Variants in CADM1 observed in about 807,000 individuals in gnomAD.
CADM1 encodes the protein TSLC-1.
A neutral mutation model predicts 53.1 loss-of-function variants in CADM1; 15 were observed. That is an observed-to-expected ratio of 0.28 (90% confidence interval 0.19 to 0.44). The LOEUF is 0.44. CADM1 is among the 20% of genes least tolerant of loss of function. CADM1 has a pLI of 1.00. For synonymous variants in CADM1, 281 were observed against 243.0 expected, an observed-to-expected ratio of 1.16 and a Z score of -1.45; for missense variants, 434 against 611.3, an observed-to-expected ratio of 0.71 and a Z score of 3.06.
At chr11:115,177,897 A>G (rs1488595273) in intron 11 of CADM1, among the ~76,000 whole-genome samples, 1 of 152,178 alleles carries the variant, frequency 6.6e-6, no homozygotes, top group Non-Finnish European at 1.5e-5. Flanking sequence ...GCAAGCACCT[A>G]GAAAACCCCG....
chr11:115,190,373 C>A (rs1939786391), intron 10 of CADM1, among the ~76,000 whole-genome samples: 1 of 152,154 alleles, frequency 6.6e-6, no homozygotes, highest in Admixed American at 6.5e-5. Context: ...TAGTTTACAT[C>A]ATGGTGTGTG....
intron 1 of CADM1, among the ~76,000 whole-genome samples, chr11:115,252,144 A>G (rs1942625357): frequency 6.6e-6 from 1 of 152,230 alleles, no homozygotes; most frequent in Admixed American, 6.5e-5. Flanking sequence ...TTTTTGTTGT[A>G]GTTCTGAGCT....
chr11:115,316,150 A>T (rs552236509), intron 1 of CADM1, among the ~76,000 whole-genome samples: 9 of 152,332 alleles, frequency 5.9e-5, no homozygotes, highest in South Asian at 2.1e-4. Flanking sequence ...CACATTTTTT[A>T]AAATGCTCAG....
At chr11:115,231,519 A>T (rs963389506) in intron 3 of CADM1, 29 bp from the exon 4 acceptor site, 1 of 1,609,720 alleles carries the variant, frequency 6.2e-7, no homozygotes. Flanking sequence ...TGCTTTATAA[A>T]CACAGAATGC....
intron 1 of CADM1, among the ~76,000 whole-genome samples, chr11:115,491,881 T>A (rs974375901): frequency 6.6e-6 from 1 of 152,160 alleles, no homozygotes; most frequent in Non-Finnish European, 1.5e-5. Flanking sequence ...ATGTTCTCAC[T>A]CATAGGTGGG....
intron 1 of CADM1, among the ~76,000 whole-genome samples, chr11:115,408,091 G>A (rs951960143): frequency 6.6e-5 from 10 of 151,794 alleles, no homozygotes; most frequent in African/African-American, 2.4e-4. Flanking sequence ...TCAGCCCTAA[G>A]CAAATTTTCA....
chr11:115,408,629 G>C (rs1477599298), intron 1 of CADM1, among the ~76,000 whole-genome samples: 2 of 152,098 alleles, frequency 1.3e-5, no homozygotes, highest in African/African-American at 4.8e-5. Flanking sequence ...CATTACAAAG[G>C]TTCTACATAG....
chr11:115,368,024 A>C (rs1380653771), intron 1 of CADM1, among the ~76,000 whole-genome samples: 1 of 150,940 alleles, frequency 6.6e-6, no homozygotes, highest in African/African-American at 2.4e-5. Context: ...GAACATATTT[A>C]ATTTAGAAAA....
At chr11:115,475,867 A>G (rs1022876849) in intron 1 of CADM1, among the ~76,000 whole-genome samples, 1 of 152,234 alleles carries the variant, frequency 6.6e-6, no homozygotes, top group African/African-American at 2.4e-5. Flanking sequence ...ACCACTGTAA[A>G]GTAGATATAC....
chr11:115,174,760 T>C lies in CADM1; in HGVS notation c.*1714A>G. Reference sequence around the variant, plus strand: ...TAGAATATATATTTATATATATATATAGATCTATCTTTTTTGATGCCATCT... The same window carrying C: ...TAGAATATATATTTATATATATATACAGATCTATCTTTTTTGATGCCATCT... On this transcript the variant is annotated 3_prime_UTR_variant, in exon 12 of 12. Transcript: ENST00000331581. 1.1e-6 allele frequency: 1 copy of C among 881,770 alleles called. No individual in the cohort carries two copies. Among genetic ancestry groups the C allele is most frequent in the Non-Finnish European group, 1.4e-6 (1 of 735,564 alleles). The allele number at this position is 881,770 out of a possible 1,614,324, so 54.6% of individuals were successfully genotyped here.
At chr11:115,219,461 G>C (rs990025616) in intron 5 of CADM1, among the ~76,000 whole-genome samples, 4 of 152,118 alleles carry the variant, frequency 2.6e-5, no homozygotes, top group African/African-American at 7.2e-5. Context: ...CTGAGAATTG[G>C]TAGTGCTTTC....
intron 1 of CADM1, among the ~76,000 whole-genome samples, chr11:115,252,878 G>A (rs897737860): frequency 6.6e-6 from 1 of 152,126 alleles, no homozygotes; most frequent in Admixed American, 6.5e-5. Context: ...ATGACAAATT[G>A]CACAAAAGCT....
chr11:115,309,708 G>A (rs968966578), intron 1 of CADM1, among the ~76,000 whole-genome samples: 5 of 152,034 alleles, frequency 3.3e-5, no homozygotes, highest in African/African-American at 9.7e-5. Context: ...TGTTAGTTCC[G>A]GTTCTATCCC....
chr11:115,193,675 T>G (rs887829863), intron 9 of CADM1, among the ~76,000 whole-genome samples: 1 of 152,208 alleles, frequency 6.6e-6, no homozygotes, highest in African/African-American at 2.4e-5. Context: ...CAAATACGAT[T>G]TAAATGCTTA....
At chr11:115,427,608 T>C (rs1947923712) in intron 1 of CADM1, among the ~76,000 whole-genome samples, 1 of 152,280 alleles carries the variant, frequency 6.6e-6, no homozygotes, top group East Asian at 1.9e-4. Context: ...GGGTCATCAG[T>C]GGAGACTTTA....
intron 1 of CADM1, among the ~76,000 whole-genome samples, chr11:115,477,556 T>G (rs1421260118): frequency 1.3e-5 from 2 of 152,232 alleles, no homozygotes; most frequent in Admixed American, 1.3e-4. Flanking sequence ...TGTAGCTTTC[T>G]CCTAACAGAT....
At chr11:115,413,444 A>C (rs933219482) in intron 1 of CADM1, among the ~76,000 whole-genome samples, 18 of 152,334 alleles carry the variant, frequency 1.2e-4, no homozygotes, top group Middle Eastern at 3.4e-3. Context: ...TTGAGTGCTT[A>C]CTATGTGTCT....
At chr11:115,308,194 G>C (rs2040454) in intron 1 of CADM1, among the ~76,000 whole-genome samples, 2 of 123,966 alleles carry the variant, frequency 1.6e-5, no homozygotes, top group Non-Finnish European at 3.5e-5. Flanking sequence ...TCATAGGTGT[G>C]TATATATATA....
chr11:115,346,963 A>C (rs1403900949), intron 1 of CADM1, among the ~76,000 whole-genome samples: 1 of 152,166 alleles, frequency 6.6e-6, no homozygotes. Context: ...ACAAAAAAAA[A>C]CCCTATTGAT....
Sources: allele counts gnomAD v4.1 joint callset (sites outside exome capture counted in the v4.1 genomes callset), GRCh38; gene constraint gnomAD v4.1.1; transcripts MANE v1.5; gene names NCBI Gene and HGNC (gene_info 2026-07-23, HGNC 2026-07-21).